SPPL3: variants seen among roughly 807,000 people sequenced by gnomAD.
SPPL3 encodes the protein signal peptide peptidase like 3, also known as signal peptide peptidase-like 3.
SPPL3 carries 5 observed loss-of-function variants against 42.4 expected under a neutral mutation model. The ratio of observed to expected loss-of-function variants is 0.12; its 90% CI spans 0.06 to 0.25. SPPL3 has a LOEUF of 0.25. SPPL3 is among the 10% of genes least tolerant of loss of function. SPPL3 has a pLI of 1.00. For synonymous variants in SPPL3, 195 were observed against 181.8 expected, an observed-to-expected ratio of 1.07 and a Z score of -0.58; for missense variants, 235 against 489.0, an observed-to-expected ratio of 0.48 and a Z score of 4.90.
intron 1 of SPPL3, among the ~76,000 whole-genome samples, chr12:120,820,015 G>A (rs1871006486): frequency 6.6e-6 from 1 of 152,106 alleles, no homozygotes; most frequent in Non-Finnish European, 1.5e-5. Flanking sequence ...ATGACCCTAT[G>A]GACCCCATGA....
At chr12:120,885,448 T>C (rs1194406698) in intron 1 of SPPL3, among the ~76,000 whole-genome samples, 2 of 152,220 alleles carry the variant, frequency 1.3e-5, no homozygotes, top group Non-Finnish European at 2.9e-5. Flanking sequence ...GTCATGATCG[T>C]TGTTCTCTTG....
chr12:120,829,382 G>C (rs1268781099), intron 1 of SPPL3, among the ~76,000 whole-genome samples: 2 of 152,078 alleles, frequency 1.3e-5, no homozygotes, highest in African/African-American at 2.4e-5. Flanking sequence ...GATCACTTGA[G>C]GTCAGGAGTT....
chr12:120,899,780 C>T (rs1029866833), intron 1 of SPPL3, among the ~76,000 whole-genome samples: 1 of 149,584 alleles, frequency 6.7e-6, no homozygotes, highest in African/African-American at 2.5e-5. Context: ...GTAATCCCAG[C>T]TACTCGGGAG....
intron 2 of SPPL3, among the ~76,000 whole-genome samples, chr12:120,804,387 C>T (rs577292806): frequency 3.7e-4 from 57 of 152,022 alleles, no homozygotes; most frequent in African/African-American, 1.3e-3. Context: ...AAAGAACACT[C>T]AAAATTCAAC....
rs1471280292 is a variant in SPPL3 at position 120,904,108 on chromosome 12, G to A, written c.-241C>T. The A allele has an allele frequency of 7.1e-5, 20 of 281,650 alleles. No individual in the cohort carries two copies. The highest frequency in any genetic ancestry group is 9.8e-5 in the Non-Finnish European group (15 of 152,330). 17.4% of individuals were successfully genotyped at this position (281,650 alleles called of 1,614,324 possible). ...TCCGCTCTCGGCCTCCCTCACCCGC[G>A]GCGGCGGCGGCGGCTCCGCTGCAGC... is the stretch of plus-strand genomic sequence containing the variant. On this transcript the variant is annotated 5_prime_UTR_variant, in exon 1 of 11. Transcript: ENST00000353487.
chr12:120,773,621 C>T (rs1229838367), intron 6 of SPPL3, among the ~76,000 whole-genome samples: 1 of 152,160 alleles, frequency 6.6e-6, no homozygotes, highest in African/African-American at 2.4e-5. Flanking sequence ...GACGACCTGT[C>T]CCTTCCTGAC....
chr12:120,872,921 A>G (rs1210656751), intron 1 of SPPL3, among the ~76,000 whole-genome samples: 2 of 152,232 alleles, frequency 1.3e-5, no homozygotes, highest in Non-Finnish European at 2.9e-5. Context: ...CTTTAGAGGA[A>G]TACAGCAAAT....
In SPPL3 at chr12:120,903,885, G is replaced by A; in HGVS notation, c.-18C>T. On this transcript the variant is annotated 5_prime_UTR_variant, in exon 1 of 11. Transcript: ENST00000353487. The stretch of plus-strand genomic sequence containing the variant: ...TCCGCCATGGCGCTGCCTCTCGTGG[G>A]CTCCGCTGCAGGCTGTGGCCGGGCC... The A allele has an allele frequency of 7.0e-7, 1 of 1,435,588 alleles. No homozygotes were observed. Among genetic ancestry groups the A allele is most frequent in the Non-Finnish European group, 9.1e-7 (1 of 1,096,078 alleles). 88.9% of individuals were successfully genotyped at this position (1,435,588 alleles called of 1,614,324 possible). A position where few individuals can be genotyped will look rare whatever the true frequency, so the allele number is the denominator to read the frequency against.
chr12:120,765,638 A>T (rs1868860253), intron 10 of SPPL3, among the ~76,000 whole-genome samples: 1 of 152,032 alleles, frequency 6.6e-6, no homozygotes, highest in Non-Finnish European at 1.5e-5. Flanking sequence ...AGAGCATTTA[A>T]ATCTTACCCA....
chr12:120,868,106 A>C (rs1459972174), intron 1 of SPPL3, among the ~76,000 whole-genome samples: 1 of 152,182 alleles, frequency 6.6e-6, no homozygotes, highest in Non-Finnish European at 1.5e-5. Context: ...TTTACAAAAA[A>C]TAAATTAAGC....
chr12:120,773,390 T>C (rs1475685077), intron 6 of SPPL3, among the ~76,000 whole-genome samples: 1 of 152,148 alleles, frequency 6.6e-6, no homozygotes, highest in Non-Finnish European at 1.5e-5. Flanking sequence ...TTCATGGACT[T>C]ACAGGTGAAT....
chr12:120,859,713 G>A (rs1236313653), intron 1 of SPPL3, among the ~76,000 whole-genome samples: 1 of 152,068 alleles, frequency 6.6e-6, no homozygotes, highest in South Asian at 2.1e-4. Flanking sequence ...GGAGGTCGAG[G>A]CGGGTGGATC....
intron 2 of SPPL3, 25 bp downstream of exon 2, chr12:120,810,770 ACCTCCAACTTGTAT>A: frequency 6.6e-7 from 1 of 1,504,210 alleles, no homozygotes; most frequent in Non-Finnish European, 9.2e-7. Context: ...TCCTTCTTCC[ACCTCCAACTTGTAT>A]CAACCCCATT....
intron 1 of SPPL3, among the ~76,000 whole-genome samples, chr12:120,887,242 T>C (rs1873495229): frequency 6.6e-6 from 1 of 152,158 alleles, no homozygotes; most frequent in South Asian, 2.1e-4. Flanking sequence ...AATAAGTATT[T>C]TTATGTAAAT....
At chr12:120,804,163 A>AC (rs1238700255) in intron 2 of SPPL3, among the ~76,000 whole-genome samples, 1 of 152,182 alleles carries the variant, frequency 6.6e-6, no homozygotes, top group African/African-American at 2.4e-5. Context: ...CAAAAAAGGA[A>AC]CTAGTTACTC....
chr12:120,832,950 T>A (rs1314364383), intron 1 of SPPL3, among the ~76,000 whole-genome samples: 1 of 152,216 alleles, frequency 6.6e-6, no homozygotes, highest in African/African-American at 2.4e-5. Flanking sequence ...GATCTGGTGA[T>A]AACTCACTGC....
At chr12:120,886,873 T>C (rs1873477270) in intron 1 of SPPL3, among the ~76,000 whole-genome samples, 1 of 152,158 alleles carries the variant, frequency 6.6e-6, no homozygotes, top group Non-Finnish European at 1.5e-5. Context: ...ATGTAGCTAC[T>C]GAGCACTTGA....
At position 120,768,507 on chromosome 12, in the gene SPPL3, G is replaced by A. The variant is rs552409930; in HGVS notation, c.610-19C>T. ...AAAATACCTGCCGAGTTGGAGAGATGCCTTTAACAGAGGGAGTTGGAAGCA... is the reference window on the plus strand; with the variant it reads ...AAAATACCTGCCGAGTTGGAGAGATACCTTTAACAGAGGGAGTTGGAAGCA... On this transcript the variant is annotated intron_variant, in intron 7 of 10. Coordinates refer to ENST00000353487, the MANE Select transcript of SPPL3 (RefSeq NM_139015.5). 1.3e-6 allele frequency: 2 copies of A among 1,599,634 alleles called. No individual in the cohort carries two copies. The highest frequency in any genetic ancestry group is 4.5e-5 in the East Asian group (2 of 44,636).
chr12:120,793,235 A>G (rs1869980463), intron 2 of SPPL3, among the ~76,000 whole-genome samples: 1 of 152,158 alleles, frequency 6.6e-6, no homozygotes, highest in Non-Finnish European at 1.5e-5. Flanking sequence ...ACTGGCTGGA[A>G]GCGGTGGCTC....
Sources: allele counts gnomAD v4.1 joint callset (sites outside exome capture counted in the v4.1 genomes callset), GRCh38; gene constraint gnomAD v4.1.1; transcripts MANE v1.5; gene names NCBI Gene and HGNC (gene_info 2026-07-23, HGNC 2026-07-21).